CHD9: variants seen among roughly 807,000 people sequenced by gnomAD.
The protein encoded by CHD9 is chromodomain helicase DNA binding protein 9.
In CHD9, 77 loss-of-function variants were observed where a neutral mutation model predicts 316.1. The ratio of observed to expected loss-of-function variants is 0.24; its 90% CI spans 0.20 to 0.29. CHD9 has a LOEUF of 0.29. CHD9 is among the 10% of genes least tolerant of loss of function. The probability of loss-of-function intolerance (pLI) is 1.00; values close to 1 mark genes in which losing one functional copy is unlikely to be tolerated. For synonymous variants in CHD9, 1,129 were observed against 1,158.3 expected, an observed-to-expected ratio of 0.97 and a Z score of 0.51; for missense variants, 2,763 against 3,438.1, an observed-to-expected ratio of 0.80 and a Z score of 4.91.
At position 53,314,805 on chromosome 16, in the gene CHD9, T is replaced by A. The variant is rs747310914; in HGVS notation, c.7363-18T>A. On this transcript the variant is annotated intron_variant, in intron 35 of 38. Transcript: ENST00000447540. ...ATAAAGTATGAAAATAAAGATACCA[T>A]TTGGTGTTTTTTTACAGGTTTCTTT... 43 of 1,502,120 alleles carry A rather than the reference T, an allele frequency of 2.9e-5. No individual in the cohort carries two copies. The highest frequency in any genetic ancestry group is 5.4e-5 in the Admixed American group (3 of 55,218). The allele number at this position is 1,502,120 out of a possible 1,614,324, so 93.0% of individuals were successfully genotyped here. A position where few individuals can be genotyped will look rare whatever the true frequency, so the allele number is the denominator to read the frequency against.
chr16:53,194,046 A>G lies in CHD9; in HGVS notation c.1453-15436A>G, dbSNP rs545746854. Reference sequence around the variant, plus strand: ...TGGAGAAAGGGCACTCTTGACAACTAGATCAGTAAATTCAAAGTTTTAGGT... The same window carrying G: ...TGGAGAAAGGGCACTCTTGACAACTGGATCAGTAAATTCAAAGTTTTAGGT... On this transcript the variant is annotated intron_variant, in intron 2 of 38. Coordinates refer to ENST00000447540, the MANE Select transcript of CHD9 (RefSeq NM_001308319.2). Among the ~76,000 whole-genome samples the G allele has an allele frequency of 7.9e-5, 12 of 152,284 alleles. No individual in the cohort carries two copies. In the South Asian group the frequency reaches 2.5e-3, roughly 32 times the overall value.
intron 29 of CHD9, among the ~76,000 whole-genome samples, chr16:53,296,517 T>A (rs1205424498): frequency 7.0e-6 from 1 of 142,086 alleles, no homozygotes; most frequent in Non-Finnish European, 1.5e-5. Context: ...CTCGGCTCAC[T>A]GCAAGCTCCA....
Position 53,097,967 on chromosome 16 carries a change from A to G in CHD9, c.-165+42890A>G, listed in dbSNP as rs546173116. 1.2e-4 allele frequency among the ~76,000 whole-genome samples: 18 copies of G among 151,796 alleles called. No homozygotes were observed. The East Asian group carries it at 3.5e-3, about 30-fold the overall frequency. On this transcript the variant is annotated intron_variant, in intron 1 of 38. Transcript: ENST00000447540. ...AAACCCTGTCTCTACTAAAAATACA[A>G]AAATTAGCCAGGTGTGGTGGCAGGT...
chr16:53,318,048 C>A (rs1438518336), intron 36 of CHD9, among the ~76,000 whole-genome samples, 164 bp from the exon 37 acceptor site: 1 of 151,876 alleles, frequency 6.6e-6, no homozygotes, highest in Non-Finnish European at 1.5e-5. Flanking sequence ...CAGAGCAAGA[C>A]CCTGTCTCAA....
chr16:53,203,272 A>T (rs562864156), intron 2 of CHD9, among the ~76,000 whole-genome samples: 2 of 152,272 alleles, frequency 1.3e-5, no homozygotes, highest in South Asian at 4.1e-4. Flanking sequence ...TATAATACCA[A>T]ATTACTTTAA....
rs113995936 is a variant in CHD9, at chr16:53,136,311, C to G, written c.-164-19615C>G. Among the ~76,000 whole-genome samples the G allele has an allele frequency of 4.9e-3, 744 of 152,112 alleles. 5 individuals carry two copies. Among genetic ancestry groups the G allele is most frequent in the African/African-American group, 0.017 (709 of 41,526 alleles). ...CCAGAAAAAAGATGACCTTTCTTGT[C>G]TAGTGGTCTTTTCATATTAGTTTAC... On this transcript the variant is annotated intron_variant, in intron 1 of 38. Transcript: ENST00000447540.
intron 2 of CHD9, among the ~76,000 whole-genome samples, chr16:53,164,275 A>G (rs1469099348): frequency 6.6e-6 from 1 of 152,202 alleles, no homozygotes; most frequent in Non-Finnish European, 1.5e-5. Context: ...AAGAAAACAA[A>G]CAAAAAAGCT....
intron 1 of CHD9, among the ~76,000 whole-genome samples, chr16:53,083,616 A>C (rs2035214802): frequency 6.6e-6 from 1 of 152,032 alleles, no homozygotes; most frequent in Admixed American, 6.6e-5. Context: ...AGTCCTGCCA[A>C]AGGTGTCTTT....
intron 2 of CHD9, among the ~76,000 whole-genome samples, chr16:53,184,093 C>T (rs1401838302): frequency 1.3e-5 from 2 of 151,954 alleles, no homozygotes; most frequent in East Asian, 1.9e-4. Context: ...TAAAGGCGCC[C>T]GGCACCACGC....
chr16:53,258,488 G>C (rs918008975), intron 19 of CHD9, among the ~76,000 whole-genome samples: 2 of 152,098 alleles, frequency 1.3e-5, no homozygotes, highest in African/African-American at 4.8e-5. Flanking sequence ...AGTTGTATGG[G>C]AATGCTATTA....
intron 3 of CHD9, 72 bp downstream of exon 3, chr16:53,209,885 TTTTGA>T: frequency 9.0e-7 from 1 of 1,107,436 alleles, no homozygotes; most frequent in South Asian, 1.7e-5. Context: ...AACCATCTAC[TTTTGA>T]TTTGAGTATA....
At chr16:53,229,243 C>A (rs920353877) in intron 8 of CHD9, 143 bp downstream of exon 8, 5 of 488,556 alleles carry the variant, frequency 1.0e-5, no homozygotes, top group Non-Finnish European at 1.8e-5. Context: ...TAGTATTTTT[C>A]TCTTCTCAAA....
At chr16:53,098,797 C>T (rs1348821135) in intron 1 of CHD9, among the ~76,000 whole-genome samples, 1 of 152,144 alleles carries the variant, frequency 6.6e-6, no homozygotes, top group East Asian at 1.9e-4. Flanking sequence ...TGTAACAAGC[C>T]CTTAACCCCT....
chr16:53,195,840 C>T (rs2044868245), intron 2 of CHD9, among the ~76,000 whole-genome samples: 1 of 149,910 alleles, frequency 6.7e-6, no homozygotes, highest in South Asian at 2.1e-4. Context: ...TCACTGCAAT[C>T]TCCACCTCCC....
In CHD9 at chr16:53,245,845, T is replaced by C; in HGVS notation, c.3449T>C (p.Ile1150Thr). ...AAATGTTGTAATCATCCATATCTTA[T>C]AAAAGGTAGCTAAAAAAGATTACAA... ...LRKCCNHPYL[I>T]KGAEEKILGE... Residue 1150 changes from isoleucine to threonine, a missense_variant, in exon 15 of 39, where the codon ATA becomes ACA. By Grantham distance (89) the Ile-to-Thr change is moderately conservative. Transcript: ENST00000447540. This position sits in a 1 kb window ranked among gnomAD's most constrained non-coding sequence, Gnocchi z 4.1. The C allele has an allele frequency of 6.7e-7, 1 of 1,503,040 alleles. No homozygotes were observed. Among genetic ancestry groups the C allele is most frequent in the Non-Finnish European group, 8.9e-7 (1 of 1,127,412 alleles). The allele number at this position is 1,503,040 out of a possible 1,614,324, so 93.1% of individuals were successfully genotyped here. A position where few individuals can be genotyped will look rare whatever the true frequency, so the allele number is the denominator to read the frequency against.
chr16:53,263,096 GAGTA>G lies in CHD9; in HGVS notation c.4320+4_4320+7del. ...ATAGATATAGAGGCCATCAGTGGCA[GAGTA>G]AGTATTTTTATCCCTCTAAAATAAA... is the stretch of plus-strand genomic sequence containing the variant. On this transcript the variant is annotated splice_donor_variant and splice_donor_region_variant and coding_sequence_variant and intron_variant, in exon 20 of 39. Transcript: ENST00000447540. LOFTEE classifies it high-confidence loss of function. 1 of 1,606,428 alleles carries G rather than the reference GAGTA, an allele frequency of 6.2e-7. No individual in the cohort carries two copies. The highest frequency in any genetic ancestry group is 8.5e-7 in the Non-Finnish European group (1 of 1,174,780).
chr16:53,308,196 A>G (rs150023102), intron 33 of CHD9, among the ~76,000 whole-genome samples: 201 of 152,318 alleles, frequency 1.3e-3, no homozygotes, highest in African/African-American at 4.7e-3. Context: ...TTTCTTAAAC[A>G]GTGTGGCAAT....
intron 1 of CHD9, among the ~76,000 whole-genome samples, chr16:53,056,965 G>C (rs2032208784): frequency 6.6e-6 from 1 of 151,870 alleles, no homozygotes; most frequent in Non-Finnish European, 1.5e-5. Context: ...CTGTGCAACA[G>C]AGCAAGGCCC....
chr16:53,268,917 C>T (rs2051950391), intron 22 of CHD9, among the ~76,000 whole-genome samples: 2 of 152,124 alleles, frequency 1.3e-5, no homozygotes, highest in African/African-American at 2.4e-5. Flanking sequence ...ATCCTTCTGC[C>T]TCAACCTCCT....
Sources: gnomAD v4.1 joint callset for allele counts (sites outside exome capture counted in the v4.1 genomes callset) on GRCh38, gnomAD v4.1.1 for gene constraint, Gnocchi (gnomAD v3.1) non-coding constraint, MANE v1.5 for transcripts, NCBI Gene and HGNC (gene_info 2026-07-23, HGNC 2026-07-21) for gene names.